The following ITGA6 variants were observed in gnomAD, a reference collection of about 807,000 sequenced individuals.
The protein encoded by ITGA6 is integrin alpha-6.
Under a neutral mutation model 133.6 loss-of-function variants are expected in ITGA6, and 63 were observed. That is an observed-to-expected ratio of 0.47 (90% confidence interval 0.38 to 0.58). The LOEUF is 0.58. ITGA6 is among the 20% of genes least tolerant of loss of function. The pLI is 0.00. For missense variants in ITGA6, 1,068 were observed against 1,309.4 expected, an observed-to-expected ratio of 0.82 and a Z score of 2.85; for synonymous variants, 434 against 482.0, an observed-to-expected ratio of 0.90 and a Z score of 1.30.
At chr2:172,472,953 G>T (rs16860498) in intron 5 of ITGA6, 87,139 of 939,338 alleles carry the variant, frequency 0.093, 7,883 homozygotes, top group East Asian at 0.49. Flanking sequence ...TTTTTTTTTT[G>T]ATCCATACAG....
intron 1 of ITGA6, among the ~76,000 whole-genome samples, chr2:172,463,722 C>T (rs1198676263): frequency 1.3e-5 from 2 of 152,148 alleles, no homozygotes; most frequent in Non-Finnish European, 2.9e-5. Flanking sequence ...GTGTGAAAGT[C>T]CTGGGGTTCT....
At chr2:172,441,166 GCT>G (rs1359468633) in intron 1 of ITGA6, among the ~76,000 whole-genome samples, 1 of 152,028 alleles carries the variant, frequency 6.6e-6, no homozygotes, top group African/African-American at 2.4e-5. Flanking sequence ...AGTTTAATAG[GCT>G]CTCTTTTTTC....
intron 9 of ITGA6, among the ~76,000 whole-genome samples, chr2:172,477,593 A>C (rs560548656): frequency 2.0e-5 from 3 of 152,140 alleles, no homozygotes; most frequent in Non-Finnish European, 4.4e-5. Flanking sequence ...TAGTCAGTTA[A>C]ATGTTTGCCC....
At chr2:172,471,133 T>G in intron 5 of ITGA6, 28 bp downstream of exon 5, 1 of 1,614,008 alleles carries the variant, frequency 6.2e-7, no homozygotes, top group Non-Finnish European at 8.5e-7. Flanking sequence ...TGGCTGCCTT[T>G]GCCCACCTTC....
rs561344238 is a variant in ITGA6, at chr2:172,474,370, T to C, written c.986+105T>C. The C allele has an allele frequency of 1.7e-4, 170 of 1,016,584 alleles. 3 individuals are homozygous for C. The South Asian group carries it at 2.2e-3, about 13-fold the overall frequency. The allele number at this position is 1,016,584 out of a possible 1,614,324, so 63.0% of individuals were successfully genotyped here. A position where few individuals can be genotyped will look rare whatever the true frequency, so the allele number is the denominator to read the frequency against. ...CTTTCAGGTTCATTGACGTAAAGAA[T>C]ATTTTTATTGCCGCATTTTTACCAG... On this transcript the variant is annotated intron_variant, in intron 6 of 25. Coordinates refer to ENST00000684293, the MANE Select transcript of ITGA6 (RefSeq NM_000210.4).
chr2:172,443,790 T>C (rs1328016666), intron 1 of ITGA6, among the ~76,000 whole-genome samples: 4 of 152,266 alleles, frequency 2.6e-5, no homozygotes, highest in Non-Finnish European at 5.9e-5. Flanking sequence ...TTTTTCTTTT[T>C]TGAGGCAGGG....
chr2:172,491,509 A>G lies in ITGA6; in HGVS notation c.2974A>G (p.Asn992Asp), dbSNP rs188064664. The change falls in exon 23 of 26, where the codon AAT (asparagine) becomes GAT (aspartate). Residue 992 changes from asparagine to aspartate, a missense_variant. This residue lies in a region of ITGA6 where 609 missense variants were observed against 707.2 expected (regional missense o/e 0.86). Transcript: ENST00000684293. This position sits in a 1 kb window ranked among gnomAD's most constrained non-coding sequence, Gnocchi z 4.4. ...TAAAENIRLP[N>D]AGTQVRVTVF... Reference sequence around the variant, plus strand: ...TGCTGCCGAAAATATCAGGCTGCCAAATGCAGGCACTCAGGTGAGAGGTTC... The same window carrying G: ...TGCTGCCGAAAATATCAGGCTGCCAGATGCAGGCACTCAGGTGAGAGGTTC... 23 of 1,612,086 alleles carry G rather than the reference A, an allele frequency of 1.4e-5. No homozygotes were observed. The Admixed American group carries it at 3.0e-4, about 21-fold the overall frequency.
In ITGA6 at chr2:172,505,821, T is replaced by C. The variant is rs1476511000; in HGVS notation, c.*1753T>C. ...TCTTAGTCACAAAATATATTTTGTT[T>C]ACAAAAATTTCTGTAAAACAGGTTA... On this transcript the variant is annotated 3_prime_UTR_variant, in exon 26 of 26. Coordinates refer to ENST00000684293, the MANE Select transcript of ITGA6 (RefSeq NM_000210.4). The C allele has an allele frequency of 1.3e-5, 2 of 152,628 alleles. No individual in the cohort carries two copies. The highest frequency in any genetic ancestry group is 2.9e-5 in the Non-Finnish European group (2 of 68,034). The allele number at this position is 152,628 out of a possible 1,614,324, so 9.5% of individuals were successfully genotyped here.
chr2:172,497,662 AT>A (rs1201108938), intron 23 of ITGA6, among the ~76,000 whole-genome samples: 3 of 152,198 alleles, frequency 2.0e-5, no homozygotes, highest in African/African-American at 7.2e-5. Context: ...GAACAGGATG[AT>A]GAATACTTAA....
chr2:172,464,101 G>A (rs1196877702), intron 1 of ITGA6, among the ~76,000 whole-genome samples: 1 of 152,140 alleles, frequency 6.6e-6, no homozygotes, highest in African/African-American at 2.4e-5. Flanking sequence ...GACTGTCCAG[G>A]GATCTGGGAG....
chr2:172,472,665 G>A (rs879416368), intron 5 of ITGA6: 37 of 694,916 alleles, frequency 5.3e-5, no homozygotes, highest in African/African-American at 2.1e-4. Context: ...GCAGCTTGCC[G>A]GATGCAGTGG....
intron 1 of ITGA6, among the ~76,000 whole-genome samples, chr2:172,443,525 T>C (rs1246053086): frequency 6.6e-6 from 1 of 152,178 alleles, no homozygotes; most frequent in Non-Finnish European, 1.5e-5. Context: ...TTCCTTTCTA[T>C]CCTAACCATC....
intron 13 of ITGA6, among the ~76,000 whole-genome samples, chr2:172,485,826 G>A (rs1686641053): frequency 6.6e-6 from 1 of 152,172 alleles, no homozygotes. Context: ...TAAGGTGCAA[G>A]GTTAGCCCGG....
At chr2:172,484,742 A>C (rs748919913) in intron 11 of ITGA6, 40 bp from the exon 12 acceptor site, 1 of 1,557,168 alleles carries the variant, frequency 6.4e-7, no homozygotes. Flanking sequence ...TGGATTGTGC[A>C]TGAATGCACT....
chr2:172,433,283 C>T (rs1287030466), intron 1 of ITGA6, among the ~76,000 whole-genome samples: 1 of 152,198 alleles, frequency 6.6e-6, no homozygotes, highest in Non-Finnish European at 1.5e-5. Flanking sequence ...GTGTGATTCT[C>T]AGCCCAGCCT....
At chr2:172,433,649 A>G (rs1049677616) in intron 1 of ITGA6, among the ~76,000 whole-genome samples, 18 of 152,340 alleles carry the variant, frequency 1.2e-4, no homozygotes, top group East Asian at 1.2e-3. Flanking sequence ...TTGGTCTTCA[A>G]TCTGCATCTT....
chr2:172,441,448 T>C (rs1684533315), intron 1 of ITGA6, among the ~76,000 whole-genome samples: 1 of 151,614 alleles, frequency 6.6e-6, no homozygotes, highest in African/African-American at 2.4e-5. Context: ...CCCAGCACTT[T>C]GGAAGGCTGA....
intron 1 of ITGA6, among the ~76,000 whole-genome samples, chr2:172,433,105 T>C (rs558161290): frequency 1.2e-3 from 178 of 152,274 alleles, no homozygotes; most frequent in Non-Finnish European, 2.1e-3. Flanking sequence ...AAAGATTACG[T>C]ACTGCAGCAG....
chr2:172,487,676 T>C, intron 16 of ITGA6, 46 bp downstream of exon 16: 2 of 1,595,806 alleles, frequency 1.3e-6, no homozygotes, highest in Non-Finnish European at 1.7e-6. Flanking sequence ...TTAAATACCA[T>C]TGCAGTGTCT....
Sources: gnomAD v4.1 joint callset for allele counts (sites outside exome capture counted in the v4.1 genomes callset) on GRCh38, gnomAD v4.1.1 for gene constraint, gnomAD v4.1.1 regional missense constraint, Gnocchi (gnomAD v3.1) non-coding constraint, MANE v1.5 for transcripts, NCBI Gene and HGNC (gene_info 2026-07-23, HGNC 2026-07-21) for gene names.